ZDHHC14: variants seen among roughly 807,000 people sequenced by gnomAD.
ZDHHC14 encodes palmitoyltransferase ZDHHC14.
ZDHHC14 carries 16 observed loss-of-function variants against 47.7 expected under a neutral mutation model. The ratio of observed to expected loss-of-function variants is 0.34; its 90% confidence interval spans 0.23 to 0.51. The LOEUF is 0.51. ZDHHC14 is among the 20% of genes least tolerant of loss of function. The pLI, the probability that ZDHHC14 is intolerant of heterozygous loss-of-function variation, is 0.97. For synonymous variants in ZDHHC14, 293 were observed against 278.9 expected (o/e 1.05, Z -0.50); for missense variants, 515 against 662.5 (o/e 0.78, Z 2.44).
chr6:157,566,440 G>C (rs1782904780), intron 2 of ZDHHC14, among the ~76,000 whole-genome samples: 1 of 152,196 alleles, frequency 6.6e-6, no homozygotes, highest in Non-Finnish European at 1.5e-5. Context: ...ACTGAAACCA[G>C]AGGTGTACTG....
At chr6:157,648,553 T>C (rs1267256740) in intron 7 of ZDHHC14, among the ~76,000 whole-genome samples, 1 of 152,056 alleles carries the variant, frequency 6.6e-6, no homozygotes. Flanking sequence ...TTTCTAGCTT[T>C]AGCCTAGAAA....
At chr6:157,495,998 C>T (rs1341433668) in intron 1 of ZDHHC14, among the ~76,000 whole-genome samples, 2 of 152,144 alleles carry the variant, frequency 1.3e-5, no homozygotes, top group Non-Finnish European at 2.9e-5. Flanking sequence ...AGCCACTGCA[C>T]CCGGCCTTGG....
At chr6:157,505,358 T>C (rs1197079115) in intron 1 of ZDHHC14, among the ~76,000 whole-genome samples, 1 of 152,216 alleles carries the variant, frequency 6.6e-6, no homozygotes, top group Non-Finnish European at 1.5e-5. Flanking sequence ...CATAATAATC[T>C]TTAAAGTCTT....
chr6:157,413,987 A>T (rs1777922483), intron 1 of ZDHHC14, among the ~76,000 whole-genome samples: 1 of 152,132 alleles, frequency 6.6e-6, no homozygotes, highest in Non-Finnish European at 1.5e-5. Context: ...CCCAGGCTAG[A>T]GTGCAGTGGT....
intron 5 of ZDHHC14, among the ~76,000 whole-genome samples, chr6:157,642,923 GT>G (rs1239611357): frequency 4.7e-4 from 71 of 152,378 alleles, no homozygotes; most frequent in Non-Finnish European, 9.1e-4. Flanking sequence ...GAAGCAGGGG[GT>G]TGGGGTAGGT....
chr6:157,478,984 C>T (rs148039897), intron 1 of ZDHHC14, among the ~76,000 whole-genome samples: 8,388 of 152,244 alleles, frequency 0.055, 796 homozygotes, highest in African/African-American at 0.19. Context: ...CCCAGTGACA[C>T]CCAGGAAAGG....
At chr6:157,652,310 T>C (rs912450717) in intron 7 of ZDHHC14, among the ~76,000 whole-genome samples, 3 of 152,204 alleles carry the variant, frequency 2.0e-5, no homozygotes, top group African/African-American at 7.2e-5. Context: ...GAGGCCCTGC[T>C]TTCTGAGAAA....
At chr6:157,484,719 G>C (rs1779736602) in intron 1 of ZDHHC14, among the ~76,000 whole-genome samples, 1 of 151,712 alleles carries the variant, frequency 6.6e-6, no homozygotes, top group South Asian at 2.1e-4. Context: ...GTAATAAATG[G>C]TAAGTTTTTC....
At chr6:157,538,277 A>G (rs1427285067) in intron 1 of ZDHHC14, among the ~76,000 whole-genome samples, 1 of 152,158 alleles carries the variant, frequency 6.6e-6, no homozygotes, top group Non-Finnish European at 1.5e-5. Flanking sequence ...CATGAGGCAC[A>G]CTCGGCTCAG....
intron 8 of ZDHHC14, 92 bp from the exon 9 acceptor site, chr6:157,672,632 C>CT: frequency 8.7e-5 from 25 of 288,334 alleles, no homozygotes; most frequent in South Asian, 2.8e-4. Flanking sequence ...GCACCCCACC[C>CT]TCCCCGCCCG....
intron 1 of ZDHHC14, among the ~76,000 whole-genome samples, chr6:157,526,847 G>A (rs1781171703): frequency 6.6e-6 from 1 of 152,190 alleles, no homozygotes; most frequent in African/African-American, 2.4e-5. Flanking sequence ...CCAACCGCTG[G>A]ACCAGGGACC....
intron 1 of ZDHHC14, among the ~76,000 whole-genome samples, chr6:157,505,061 G>C (rs1012038494): frequency 2.0e-5 from 3 of 151,194 alleles, no homozygotes; most frequent in African/African-American, 7.3e-5. Flanking sequence ...CCACCCGCCT[G>C]GGCCTCCCAA....
At chr6:157,626,025 A>G (rs1274674070) in intron 3 of ZDHHC14, among the ~76,000 whole-genome samples, 1 of 152,192 alleles carries the variant, frequency 6.6e-6, no homozygotes, top group Non-Finnish European at 1.5e-5. Flanking sequence ...GGGAAAGCAC[A>G]GTGTCACAGC....
chr6:157,644,026 C>T (rs1777393164), intron 5 of ZDHHC14, among the ~76,000 whole-genome samples: 1 of 152,166 alleles, frequency 6.6e-6, no homozygotes, highest in South Asian at 2.1e-4. Flanking sequence ...CATGTGTCCC[C>T]TCCTCTTTCT....
chr6:157,573,467 A>G (rs1272854752), intron 2 of ZDHHC14, among the ~76,000 whole-genome samples: 1 of 152,222 alleles, frequency 6.6e-6, no homozygotes, highest in Non-Finnish European at 1.5e-5. Context: ...GCATGCCTCC[A>G]GCAAGGGCAG....
At chr6:157,449,995 G>A (rs1247354713) in intron 1 of ZDHHC14, among the ~76,000 whole-genome samples, 1 of 152,072 alleles carries the variant, frequency 6.6e-6, no homozygotes. Context: ...TACCTCATAG[G>A]GTTGTTCTGA....
Position 157,653,564 on chromosome 6 carries a change from G to A in ZDHHC14, c.1005G>A (p.Pro335=), listed in dbSNP as rs374096132. The change falls in exon 8 of 9, where the codon CCG becomes CCA. Residue 335 remains proline (P), a synonymous_variant. Coordinates refer to ENST00000359775, the MANE Select transcript of ZDHHC14 (RefSeq NM_024630.3). ...DRRGYIQPDT[P]QPAAPSNGIT... ...GAGGGTACATCCAGCCCGACACGCC[G>A]CAGCCAGCAGCACCCTCCAATGGCA... 6.0e-5 allele frequency: 97 copies of A among 1,613,794 alleles called. 1 individual carries two copies. In the South Asian group the frequency reaches 6.5e-4, roughly 11 times the overall value.
At chr6:157,413,602 T>TA (rs1777914099) in intron 1 of ZDHHC14, among the ~76,000 whole-genome samples, 1 of 151,976 alleles carries the variant, frequency 6.6e-6, no homozygotes, top group Admixed American at 6.6e-5. Context: ...TTTTTTTTTT[T>TA]AAGTCAGAAG....
intron 2 of ZDHHC14, among the ~76,000 whole-genome samples, chr6:157,551,832 T>G (rs553611688): frequency 6.6e-6 from 1 of 152,368 alleles, no homozygotes; most frequent in African/African-American, 2.4e-5. Context: ...TTATTCCTTA[T>G]TATTACATAT....
Sources: gnomAD v4.1 joint callset for allele counts (sites outside exome capture counted in the v4.1 genomes callset) on GRCh38, gnomAD v4.1.1 for gene constraint, MANE v1.5 for transcripts, NCBI Gene and HGNC (gene_info 2026-07-23, HGNC 2026-07-21) for gene names.